Variants in TMEM131L observed in about 807,000 individuals in gnomAD.
The protein encoded by TMEM131L is transmembrane 131 like.
Under a neutral mutation model 192.2 loss-of-function variants are expected in TMEM131L, and 54 were observed. That is an observed-to-expected ratio of 0.28 (90% CI 0.23 to 0.35). The LOEUF is 0.35. Ranked by LOEUF, TMEM131L falls within the 10% of genes least tolerant of loss-of-function variation. The probability of loss-of-function intolerance (pLI) is 1.00; values close to 1 mark genes in which losing one functional copy is unlikely to be tolerated. For synonymous variants in TMEM131L, 701 were observed against 704.9 expected (o/e 0.99, Z 0.09); for missense variants, 1,888 against 1,972.9 (o/e 0.96, Z 0.82).
chr4:153,519,368 C>T (rs1040726027), intron 3 of TMEM131L, among the ~76,000 whole-genome samples: 14 of 152,262 alleles, frequency 9.2e-5, no homozygotes, highest in Admixed American at 9.2e-4. Context: ...AGACTTTATA[C>T]CCAAATCCAG....
intron 26 of TMEM131L, among the ~76,000 whole-genome samples, chr4:153,613,205 A>G (rs1732754075): frequency 6.6e-6 from 1 of 152,228 alleles, no homozygotes; most frequent in African/African-American, 2.4e-5. Context: ...CAAGCAAGAT[A>G]GAAGTTCAAA....
At chr4:153,564,087 A>G (rs1359439002) in intron 7 of TMEM131L, among the ~76,000 whole-genome samples, 4 of 151,696 alleles carry the variant, frequency 2.6e-5, no homozygotes. Flanking sequence ...TCAGGAGTTC[A>G]AGACCAGTCT....
At chr4:153,490,742 T>C (rs1199283626) in intron 3 of TMEM131L, among the ~76,000 whole-genome samples, 1 of 151,584 alleles carries the variant, frequency 6.6e-6, no homozygotes, top group East Asian at 1.9e-4. Context: ...GATCATGAGA[T>C]CATTAGATCG....
At chr4:153,500,511 C>CT (rs796886778) in intron 3 of TMEM131L, among the ~76,000 whole-genome samples, 15 of 152,278 alleles carry the variant, frequency 9.9e-5, no homozygotes, top group African/African-American at 3.6e-4. Context: ...GGTCTGGACT[C>CT]TACTTATTTT....
intron 19 of TMEM131L, 23 bp downstream of exon 19, chr4:153,593,894 A>T: frequency 6.5e-7 from 1 of 1,536,712 alleles, no homozygotes; most frequent in Non-Finnish European, 9.0e-7. Context: ...CCTAAAACAG[A>T]AAAAAGAATG....
intron 3 of TMEM131L, among the ~76,000 whole-genome samples, chr4:153,494,506 C>A (rs1733019801): frequency 6.6e-6 from 1 of 151,952 alleles, no homozygotes; most frequent in African/African-American, 2.4e-5. Context: ...TTTTATTATG[C>A]CATAAGGTAC....
At chr4:153,512,906 C>T (rs1203070615) in intron 3 of TMEM131L, among the ~76,000 whole-genome samples, 1 of 152,224 alleles carries the variant, frequency 6.6e-6, no homozygotes, top group Non-Finnish European at 1.5e-5. Flanking sequence ...GCCACCGTGC[C>T]CAGCCCTTTA....
At chr4:153,514,168 G>A (rs1204478747) in intron 3 of TMEM131L, among the ~76,000 whole-genome samples, 1 of 152,126 alleles carries the variant, frequency 6.6e-6, no homozygotes. Context: ...AATCTTTGCA[G>A]CTTTGATTTT....
rs375683626 is a variant in TMEM131L at position 153,632,824 on chromosome 4, C to T, written c.4314C>T (p.Ala1438=). 2.5e-6 allele frequency: 4 copies of T among 1,613,876 alleles called. No individual in the cohort carries two copies. The highest frequency in any genetic ancestry group is 3.4e-6 in the Non-Finnish European group (4 of 1,179,988). ...NGVPCVIQES[A]PVHNSFIDWS... is the part of the protein sequence containing the mutation. ...TGCCTTGTGTGATTCAGGAGTCGGCCCCGGTTCATAATAGGTACAGCTTCA... is the reference window on the plus strand; with the variant it reads ...TGCCTTGTGTGATTCAGGAGTCGGCTCCGGTTCATAATAGGTACAGCTTCA... The change falls in exon 32 of 35, where the codon GCC becomes GCT. Residue 1438 remains alanine (A), a synonymous_variant. Transcript: ENST00000409959.
At chr4:153,539,035 A>AG (rs1397946998) in intron 3 of TMEM131L, among the ~76,000 whole-genome samples, 1 of 152,214 alleles carries the variant, frequency 6.6e-6, no homozygotes, top group Non-Finnish European at 1.5e-5. Context: ...GAAGACGAGA[A>AG]GGGGGGATAT....
At chr4:153,509,513 G>C (rs1162938138) in intron 3 of TMEM131L, among the ~76,000 whole-genome samples, 1 of 152,140 alleles carries the variant, frequency 6.6e-6, no homozygotes, top group Non-Finnish European at 1.5e-5. Flanking sequence ...GATCACTTTA[G>C]ACCAGGAGTT....
At chr4:153,567,637 A>G (rs1290219398) in intron 7 of TMEM131L, among the ~76,000 whole-genome samples, 1 of 150,434 alleles carries the variant, frequency 6.6e-6, no homozygotes, top group Non-Finnish European at 1.5e-5. Flanking sequence ...CTCCGCCTCC[A>G]GTGTTCAAGC....
intron 25 of TMEM131L, among the ~76,000 whole-genome samples, chr4:153,610,488 C>T (rs1314548066): frequency 1.3e-5 from 2 of 152,122 alleles, no homozygotes; most frequent in Non-Finnish European, 2.9e-5. Context: ...GATAGAGCCC[C>T]TTTTTCTGAA....
At chr4:153,471,668 G>A (rs891747763) in intron 2 of TMEM131L, among the ~76,000 whole-genome samples, 1 of 152,218 alleles carries the variant, frequency 6.6e-6, no homozygotes, top group African/African-American at 2.4e-5. Context: ...CCCTTGGTTA[G>A]CAGGTTTGGG....
rs373167048 is a variant in TMEM131L at position 153,624,672 on chromosome 4, G to A, written c.4046-1475G>A. 3.1e-4 allele frequency among the ~76,000 whole-genome samples: 47 copies of A among 152,244 alleles called. No individual in the cohort carries two copies. In the South Asian group the frequency reaches 9.6e-3, roughly 31 times the overall value. On this transcript the variant is annotated intron_variant, in intron 29 of 34. Transcript: ENST00000409959. ...AGACTCAGCCTCAGAGAGGATGCCC[G>A]AATCCTTTGACACCATGCAGTCAGT...
chr4:153,466,384 G>C lies in TMEM131L; in HGVS notation c.-14G>C, dbSNP rs1730739500. On this transcript the variant is annotated 5_prime_UTR_variant, in exon 1 of 35. Transcript: ENST00000409959. ...CGAGCGCGGCGAGCAACGGAGAGGAGCGCGAGCAGCAGCATGGCGGGGCTC... is the reference window on the plus strand; with the variant it reads ...CGAGCGCGGCGAGCAACGGAGAGGACCGCGAGCAGCAGCATGGCGGGGCTC... The C allele has an allele frequency of 1.5e-6, 2 of 1,301,942 alleles. No individual in the cohort carries two copies. The highest frequency in any genetic ancestry group is 1.5e-5 in the African/African-American group (1 of 65,240). The allele number at this position is 1,301,942 out of a possible 1,614,324, so 80.6% of individuals were successfully genotyped here. A position where few individuals can be genotyped will look rare whatever the true frequency, so the allele number is the denominator to read the frequency against.
At chr4:153,516,777 CAGCACTAGGTA>C (rs1368640215) in intron 3 of TMEM131L, among the ~76,000 whole-genome samples, 10 of 152,088 alleles carry the variant, frequency 6.6e-5, no homozygotes, top group African/African-American at 2.4e-4. Context: ...ACGAGCCTCC[CAGCACTAGGTA>C]CCAGTACTTT....
Position 153,587,735 on chromosome 4 carries a change from A to T in TMEM131L, c.1483-7A>T. 1 of 1,597,604 alleles carries T rather than the reference A, an allele frequency of 6.3e-7. No homozygotes were observed. Among genetic ancestry groups the T allele is most frequent in the East Asian group, 2.2e-5 (1 of 44,778 alleles). ...TTAAGTTATTCATATATTACTTTTC[A>T]ATCTAGGAAGGGAGTCTGGGTTTTG... is the stretch of plus-strand genomic sequence containing the variant. On this transcript the variant is annotated splice_region_variant and splice_polypyrimidine_tract_variant and intron_variant, in intron 14 of 34. Transcript: ENST00000409959.
chr4:153,553,426 T>C (rs1174595302), intron 4 of TMEM131L, among the ~76,000 whole-genome samples: 1 of 151,238 alleles, frequency 6.6e-6, no homozygotes, highest in East Asian at 1.9e-4. Flanking sequence ...ATCTGGAATA[T>C]GATTATGAGA....
Sources: allele counts gnomAD v4.1 joint callset (sites outside exome capture counted in the v4.1 genomes callset), GRCh38; gene constraint gnomAD v4.1.1; transcripts MANE v1.5; gene names NCBI Gene and HGNC (gene_info 2026-07-23, HGNC 2026-07-21).